The following ARB2A variants were observed in gnomAD, a reference collection of about 807,000 sequenced individuals.
ARB2A encodes ARB2 cotranscriptional regulator A.
chr5:93,824,109 A>C, the ARB2A span: 2 of 1,493,346 alleles, frequency 1.3e-6, no homozygotes, highest in Non-Finnish European at 9.0e-7. Context: ...ATAAACCTAC[A>C]AGGAGACTGG....
the ARB2A span, among the ~76,000 whole-genome samples, chr5:93,983,172 T>TA: frequency 8.0e-3 from 2 of 250 alleles, no homozygotes; most frequent in Non-Finnish European, 0.031. Flanking sequence ...TGTGGAGAGG[T>TA]GTGTGTGTGT....
the ARB2A span, among the ~76,000 whole-genome samples, chr5:93,868,862 C>T: frequency 6.6e-6 from 1 of 152,162 alleles, no homozygotes; most frequent in South Asian, 2.1e-4. Flanking sequence ...ACTGCCTTAC[C>T]AACCAAGGAA....
the ARB2A span, among the ~76,000 whole-genome samples, chr5:93,724,982 T>G: frequency 6.6e-6 from 1 of 152,006 alleles, no homozygotes; most frequent in African/African-American, 2.4e-5. Flanking sequence ...TTGGCATATA[T>G]GGAGTGAATA....
chr5:93,892,589 G>T, the ARB2A span, among the ~76,000 whole-genome samples: 2 of 151,884 alleles, frequency 1.3e-5, no homozygotes, highest in African/African-American at 2.4e-5. Flanking sequence ...TACCTCTGGG[G>T]GGGGGAAAAC....
At chr5:94,053,846 C>A in the ARB2A span, among the ~76,000 whole-genome samples, 1 of 152,116 alleles carries the variant, frequency 6.6e-6, no homozygotes, top group Non-Finnish European at 1.5e-5. Flanking sequence ...GGCTCACTCT[C>A]CAACCTCTGC....
chr5:93,948,950 G>T, the ARB2A span, among the ~76,000 whole-genome samples: 2 of 152,050 alleles, frequency 1.3e-5, no homozygotes, highest in Non-Finnish European at 2.9e-5. Context: ...GTAACTTCCA[G>T]GGTCTTACCT....
the ARB2A span, among the ~76,000 whole-genome samples, chr5:94,091,783 A>T: frequency 3.0e-3 from 457 of 152,316 alleles, 1 homozygote; most frequent in Admixed American, 4.7e-3. Flanking sequence ...GGGGGTCTCC[A>T]ATTTGTAAAG....
the ARB2A span, among the ~76,000 whole-genome samples, chr5:93,769,714 C>G: frequency 0.011 from 1,652 of 152,248 alleles, 17 homozygotes; most frequent in Middle Eastern, 0.017. Flanking sequence ...TTATGGAGAA[C>G]AAGATGGTCA....
the ARB2A span, among the ~76,000 whole-genome samples, chr5:93,962,965 T>C: frequency 6.6e-6 from 1 of 152,038 alleles, no homozygotes; most frequent in East Asian, 1.9e-4. Flanking sequence ...CCAATTATTT[T>C]GTGATTTGTT....
chr5:94,043,609 A>T, the ARB2A span, among the ~76,000 whole-genome samples: 2 of 152,190 alleles, frequency 1.3e-5, no homozygotes, highest in African/African-American at 4.8e-5. Flanking sequence ...CCCCTAGCAG[A>T]CCTGGCCTCA....
At chr5:93,783,644 G>A in the ARB2A span, among the ~76,000 whole-genome samples, 4 of 152,194 alleles carry the variant, frequency 2.6e-5, no homozygotes, top group African/African-American at 4.8e-5. Flanking sequence ...ACTATGGCAC[G>A]GGGTGGCTGA....
chr5:93,700,103 C>G, the ARB2A span, among the ~76,000 whole-genome samples: 1 of 152,082 alleles, frequency 6.6e-6, no homozygotes, highest in African/African-American at 2.4e-5. Context: ...ATGGAAACAG[C>G]AGGCTTGGGA....
the ARB2A span, among the ~76,000 whole-genome samples, chr5:94,060,025 T>C: frequency 5.3e-5 from 8 of 151,996 alleles, no homozygotes; most frequent in Non-Finnish European, 8.8e-5. Context: ...CAGGTAATAG[T>C]AAAACAGAGG....
chr5:93,785,427 T>A, the ARB2A span, among the ~76,000 whole-genome samples: 4 of 152,166 alleles, frequency 2.6e-5, no homozygotes, highest in Admixed American at 6.5e-5. Context: ...AATTTCTTTA[T>A]CATTTGCTGT....
the ARB2A span, among the ~76,000 whole-genome samples, chr5:94,069,806 T>C: frequency 6.6e-6 from 1 of 152,150 alleles, no homozygotes; most frequent in Admixed American, 6.5e-5. Flanking sequence ...GATGAGGCTG[T>C]AGAGAAAAGG....
chr5:93,941,405 T>C, the ARB2A span, among the ~76,000 whole-genome samples: 4 of 151,960 alleles, frequency 2.6e-5, no homozygotes, highest in Non-Finnish European at 5.9e-5. Flanking sequence ...AAAAGCAGAT[T>C]TGAAAAAGAC....
At chr5:93,729,727 A>G in the ARB2A span, among the ~76,000 whole-genome samples, 1 of 152,252 alleles carries the variant, frequency 6.6e-6, no homozygotes, top group African/African-American at 2.4e-5. Flanking sequence ...AGATAATGTA[A>G]TAAAATGAAT....
At chr5:93,662,567 T>C in the ARB2A span, among the ~76,000 whole-genome samples, 1,285 of 152,314 alleles carry the variant, frequency 8.4e-3, 21 homozygotes, top group African/African-American at 0.029. Context: ...AAAATATATT[T>C]ATACACACCT....
the ARB2A span, among the ~76,000 whole-genome samples, chr5:94,024,569 CCCA>C: frequency 1.3e-5 from 2 of 152,110 alleles, no homozygotes; most frequent in Non-Finnish European, 2.9e-5. Context: ...AGCCCGCCAC[CCCA>C]CCACCACACA....
Sources: gnomAD v4.1 joint callset for allele counts (sites outside exome capture counted in the v4.1 genomes callset) on GRCh38, gnomAD v4.1.1 for gene constraint, MANE v1.5 for transcripts, NCBI Gene and HGNC (gene_info 2026-07-23, HGNC 2026-07-21) for gene names.